PLCD1: variants seen among roughly 807,000 people sequenced by gnomAD.
PLCD1 encodes 1-phosphatidylinositol 4,5-bisphosphate phosphodiesterase delta-1.
A neutral mutation model predicts 87.4 loss-of-function variants in PLCD1; 71 were observed. That is an observed-to-expected ratio of 0.81 (90% CI 0.67 to 0.99). PLCD1 has a LOEUF of 0.99. Ranked by LOEUF, PLCD1 falls within the 50% of genes least tolerant of loss-of-function variation. The pLI, the probability that PLCD1 is intolerant of heterozygous loss-of-function variation, is 0.00. For synonymous variants in PLCD1, 348 were observed against 399.2 expected, an observed-to-expected ratio of 0.87 and a Z score of 1.53; for missense variants, 867 against 1,001.5, an observed-to-expected ratio of 0.87 and a Z score of 1.81.
intron 9 of PLCD1, 104 bp downstream of exon 9, chr3:38,009,549 A>G: frequency 6.4e-7 from 1 of 1,557,298 alleles, no homozygotes; most frequent in South Asian, 1.1e-5. Flanking sequence ...AGCGGGGCAG[A>G]GGGTCTGAGT....
chr3:38,023,786 G>A (rs150744262), intron 1 of PLCD1, among the ~76,000 whole-genome samples: 93 of 151,674 alleles, frequency 6.1e-4, no homozygotes, highest in East Asian at 9.7e-4. Flanking sequence ...CTGTCACACT[G>A]GGTTACAAGC....
At position 38,024,373 on chromosome 3, in the gene PLCD1, T is replaced by C. The variant is rs774915781; in HGVS notation, c.35-4021A>G. On this transcript the variant is annotated intron_variant, in intron 1 of 14. Transcript: ENST00000334661. Reference sequence around the variant, plus strand: ...CCATTGAGCGCCGCCACCTTAAGGCTCCGCTCCTGCAGGTAGAGCTCCCTG... The same window carrying C: ...CCATTGAGCGCCGCCACCTTAAGGCCCCGCTCCTGCAGGTAGAGCTCCCTG... 1.9e-6 allele frequency: 3 copies of C among 1,612,884 alleles called. No homozygotes were observed. The South Asian group carries it at 3.3e-5, about 18-fold the overall frequency.
At chr3:38,026,444 G>A (rs1171855649) in intron 1 of PLCD1, among the ~76,000 whole-genome samples, 1 of 152,194 alleles carries the variant, frequency 6.6e-6, no homozygotes, top group African/African-American at 2.4e-5. Context: ...CCTTGAACCC[G>A]GGAGGTGGAG....
intron 3 of PLCD1, among the ~76,000 whole-genome samples, chr3:38,016,218 C>G (rs1700151759): frequency 1.3e-5 from 2 of 152,192 alleles, no homozygotes. Context: ...AACCTAGTCT[C>G]TCTCTCCCCA....
intron 1 of PLCD1, among the ~76,000 whole-genome samples, chr3:38,028,987 G>T (rs1248622669): frequency 6.6e-6 from 1 of 152,256 alleles, no homozygotes; most frequent in Non-Finnish European, 1.5e-5. Context: ...AGTTAAGGCT[G>T]CACGGCCCGA....
In PLCD1 at chr3:38,016,902, A is replaced by C. The variant is rs140732396; in HGVS notation, c.200-183T>G. On this transcript the variant is annotated intron_variant, in intron 2 of 14. Transcript: ENST00000334661. ...CAGGAGGTTGGACAAGTGGGGGACA[A>C]AAAGGAGAAAGGAAGACAGAAACTG... 8.9e-3 allele frequency among the ~76,000 whole-genome samples: 1,348 copies of C among 152,302 alleles called. 10 individuals carry two copies. The highest frequency in any genetic ancestry group is 0.014 in the Admixed American group (210 of 15,298).
intron 1 of PLCD1, chr3:38,024,584 A>G: frequency 6.6e-7 from 1 of 1,509,220 alleles, no homozygotes. Flanking sequence ...AATGGGAGGG[A>G]GGAGCTAGAG....
intron 1 of PLCD1, among the ~76,000 whole-genome samples, chr3:38,027,903 T>C (rs1020243009): frequency 9.2e-5 from 14 of 152,158 alleles, no homozygotes; most frequent in African/African-American, 3.1e-4. Flanking sequence ...GAAAACAGCT[T>C]GGGGTCACAG....
At position 38,017,233 on chromosome 3, in the gene PLCD1, T is replaced by C. The variant is rs1700172047; in HGVS notation, c.200-514A>G. Among the ~76,000 whole-genome samples the C allele has an allele frequency of 6.6e-6, 1 of 151,860 alleles. No homozygotes were observed. Among genetic ancestry groups the C allele is most frequent in the South Asian group, 2.1e-4 (1 of 4,812 alleles). ...AAAGCCACAAGAGCCACCAGGCCCC[T>C]CTCCTGAACATTCAAGAGACTGGAA... On this transcript the variant is annotated intron_variant, in intron 2 of 14. Coordinates refer to ENST00000334661, the MANE Select transcript of PLCD1 (RefSeq NM_006225.4). This position sits in a 1 kb window ranked among gnomAD's most constrained non-coding sequence, Gnocchi z 4.7.
At chr3:38,028,098 C>G (rs1267598490) in intron 1 of PLCD1, among the ~76,000 whole-genome samples, 1 of 152,202 alleles carries the variant, frequency 6.6e-6, no homozygotes, top group African/African-American at 2.4e-5. Context: ...TGGACAAAGG[C>G]ACAGACACTG....
chr3:38,013,330 A>G (rs1700110868), intron 3 of PLCD1, among the ~76,000 whole-genome samples: 1 of 149,790 alleles, frequency 6.7e-6, no homozygotes, highest in African/African-American at 2.5e-5. Flanking sequence ...CTCCTGCCTC[A>G]ACCTCCCAAG....
At position 38,017,491 on chromosome 3, in the gene PLCD1, G is replaced by A. The variant is rs1700175788; in HGVS notation, c.200-772C>T. Among the ~76,000 whole-genome samples the A allele has an allele frequency of 6.6e-6, 1 of 152,160 alleles. No individual in the cohort carries two copies. The highest frequency in any genetic ancestry group is 1.5e-5 in the Non-Finnish European group (1 of 68,010). ...AGAGATTACATCATTCTGCCCTTAG[G>A]GGAGCCAAGGGGAGGGCCCTCCCCT... is the stretch of plus-strand genomic sequence containing the variant. On this transcript the variant is annotated intron_variant, in intron 2 of 14. Transcript: ENST00000334661. This position sits in a 1 kb window ranked among gnomAD's most constrained non-coding sequence, Gnocchi z 4.7.
At chr3:38,028,302 G>T (rs975313255) in intron 1 of PLCD1, among the ~76,000 whole-genome samples, 4 of 152,208 alleles carry the variant, frequency 2.6e-5, no homozygotes, top group African/African-American at 9.7e-5. Context: ...ATCTAGACAA[G>T]GTGGCTTTAA....
chr3:38,017,424 C>T lies in PLCD1; in HGVS notation c.200-705G>A, dbSNP rs773554898. On this transcript the variant is annotated intron_variant, in intron 2 of 14. Transcript: ENST00000334661. The surrounding 1 kb of genome is among the most constrained non-coding windows in gnomAD (Gnocchi z 4.7). ...GGGTACAGGAAGACTCTGCCTTCCC[C>T]AGTCCCAAGAGGCAAACTGGAGGGT... Among the ~76,000 whole-genome samples the T allele has an allele frequency of 3.3e-5, 5 of 152,258 alleles. No homozygotes were observed. The South Asian group carries it at 1.0e-3, about 32-fold the overall frequency.
Position 38,008,182 on chromosome 3 carries a change from T to C in PLCD1, c.2036-19A>G, listed in dbSNP as rs2057070599. 1.2e-6 allele frequency: 2 copies of C among 1,613,352 alleles called. No homozygotes were observed. Among genetic ancestry groups the C allele is most frequent in the Admixed American group, 1.7e-5 (1 of 59,996 alleles). On this transcript the variant is annotated intron_variant, in intron 13 of 14. Transcript: ENST00000334661. ...TTGAAACCTAGGGGGACAGGCACCA[T>C]ATCAGCAGCATGGACACCAGCCCTA...
rs1700217104 is a variant in PLCD1 at position 38,020,389 on chromosome 3, C to T, written c.35-37G>A. On this transcript the variant is annotated intron_variant, in intron 1 of 14. Coordinates refer to ENST00000334661, the MANE Select transcript of PLCD1 (RefSeq NM_006225.4). ...AGCCAGTAAGATGCCACCTTCTCCA[C>T]TAGTTTCCCTGATGCCCTAGGCCTC... The T allele has an allele frequency of 2.5e-6, 4 of 1,605,756 alleles. No homozygotes were observed. The East Asian group carries it at 6.7e-5, about 27-fold the overall frequency.
intron 1 of PLCD1, chr3:38,024,301 T>TC: frequency 6.3e-7 from 1 of 1,581,400 alleles, no homozygotes; most frequent in Non-Finnish European, 8.7e-7. Context: ...GCCTTCCCAT[T>TC]CCCCCGCAGA....
rs530083442 is a variant in PLCD1, at chr3:38,025,455, GCC to G, written c.34+4049_34+4050del. Among the ~76,000 whole-genome samples the G allele has an allele frequency of 6.6e-6, 1 of 151,582 alleles. No homozygotes were observed. Among genetic ancestry groups the G allele is most frequent in the African/African-American group, 2.4e-5 (1 of 41,290 alleles). ...GGATGGAGCCTGGGCCAGACACCGA[GCC>G]CCCCCCAAGTATTTTACTTCAATTG... On this transcript the variant is annotated intron_variant, in intron 1 of 14. Transcript: ENST00000334661. The surrounding 1 kb of genome is among the most constrained non-coding windows in gnomAD (Gnocchi z 4.0).
intron 3 of PLCD1, among the ~76,000 whole-genome samples, chr3:38,012,172 CT>C (rs924871867): frequency 3.2e-3 from 418 of 131,914 alleles, no homozygotes; most frequent in South Asian, 0.019. Flanking sequence ...CCACGCCTGG[CT>C]TTTTTTTTTT....
Sources: gnomAD v4.1 joint callset for allele counts (sites outside exome capture counted in the v4.1 genomes callset) on GRCh38, gnomAD v4.1.1 for gene constraint, Gnocchi (gnomAD v3.1) non-coding constraint, MANE v1.5 for transcripts, NCBI Gene and HGNC (gene_info 2026-07-23, HGNC 2026-07-21) for gene names.